The following HERC2 variants were observed in gnomAD, a reference collection of about 807,000 sequenced individuals.
HERC2 encodes HECT and RLD domain containing E3 ubiquitin protein ligase 2.
Under a neutral mutation model 537.7 loss-of-function variants are expected in HERC2, and 102 were observed. The ratio of observed to expected loss-of-function variants is 0.19; its 90% confidence interval spans 0.16 to 0.22. The LOEUF (loss-of-function observed/expected upper bound fraction) is 0.22, where lower values mean the gene tolerates loss of function less well. Ranked by LOEUF, HERC2 falls within the 10% of genes least tolerant of loss-of-function variation. HERC2 has a pLI of 1.00. For synonymous variants in HERC2, 2,224 were observed against 2,466.2 expected, an observed-to-expected ratio of 0.90 and a Z score of 2.91; for missense variants, 4,236 against 6,198.2, an observed-to-expected ratio of 0.68 and a Z score of 10.63.
At chr15:28,295,839 G>C (rs749264138) in intron 3 of HERC2, among the ~76,000 whole-genome samples, 3 of 152,084 alleles carry the variant, frequency 2.0e-5, no homozygotes, top group Non-Finnish European at 2.9e-5. Context: ...CGCTGACATA[G>C]TACTGTCTGT....
intron 69 of HERC2, among the ~76,000 whole-genome samples, chr15:28,156,955 G>A (rs560884171): frequency 1.1e-3 from 169 of 152,338 alleles, no homozygotes; most frequent in Admixed American, 2.8e-3. Flanking sequence ...TTTTTAGCAT[G>A]AAGGGCTGTT....
At chr15:28,132,286 G>C in intron 80 of HERC2, 25 bp from the exon 81 acceptor site, 1 of 1,584,606 alleles carries the variant, frequency 6.3e-7, no homozygotes. Flanking sequence ...GACTTGGGTT[G>C]GCCAAGCACA....
chr15:28,247,993 T>C (rs1342482111), intron 21 of HERC2, among the ~76,000 whole-genome samples: 1 of 152,168 alleles, frequency 6.6e-6, no homozygotes, highest in East Asian at 1.9e-4. Context: ...GGGGAACCAT[T>C]CCCTCAACAG....
At chr15:28,292,751 T>C (rs2076353321) in intron 4 of HERC2, 137 bp downstream of exon 4, 1 of 889,078 alleles carries the variant, frequency 1.1e-6, no homozygotes, top group Middle Eastern at 3.5e-4. Context: ...ATGGTATGTA[T>C]ATTTTACCAC....
At position 28,248,643 on chromosome 15, in the gene HERC2, A is replaced by G; in HGVS notation, c.3144T>C (p.Ser1048=). ...LDFEQHSRER[S]ASLDLLLRFQ... Reference sequence around the variant, plus strand: ...AACGCAGTAACAAATCCAATGAAGCAGATCTTTCACGACTGTGTTGCTCAA... The same window carrying G: ...AACGCAGTAACAAATCCAATGAAGCGGATCTTTCACGACTGTGTTGCTCAA... The change falls in exon 21 of 93, where the codon TCT becomes TCC. Residue 1048 remains serine, a synonymous_variant. Transcript: ENST00000261609. The G allele has an allele frequency of 6.2e-7, 1 of 1,613,922 alleles. No homozygotes were observed. Among genetic ancestry groups the G allele is most frequent in the South Asian group, 1.1e-5 (1 of 91,080 alleles).
At chr15:28,134,335 C>T (rs984845995) in intron 79 of HERC2, among the ~76,000 whole-genome samples, 2 of 152,222 alleles carry the variant, frequency 1.3e-5, no homozygotes, top group Non-Finnish European at 2.9e-5. Flanking sequence ...CGCAACACTG[C>T]TAGCCTCACT....
At chr15:28,161,253 A>ATT (rs139192448) in intron 69 of HERC2, among the ~76,000 whole-genome samples, 4 of 150,966 alleles carry the variant, frequency 2.6e-5, no homozygotes, top group African/African-American at 9.7e-5. Context: ...ACATTTAATG[A>ATT]TTTTTTTTTT....
intron 2 of HERC2, among the ~76,000 whole-genome samples, chr15:28,308,732 C>T (rs1051182886): frequency 2.0e-4 from 30 of 152,238 alleles, no homozygotes; most frequent in Non-Finnish European, 3.1e-4. Flanking sequence ...TCTTCCATAA[C>T]CAGTTTTAAG....
chr15:28,206,094 T>C, intron 45 of HERC2, 146 bp downstream of exon 45: 1 of 546,376 alleles, frequency 1.8e-6, no homozygotes. Flanking sequence ...TGCACAAACA[T>C]GGTTAAACCC....
At chr15:28,209,787 G>A (rs1240387708) in intron 44 of HERC2, among the ~76,000 whole-genome samples, 1 of 151,954 alleles carries the variant, frequency 6.6e-6, no homozygotes. Context: ...GGATATTCAG[G>A]GAAGACTATA....
chr15:28,130,570 C>T lies in HERC2; in HGVS notation c.12595G>A (p.Val4199Ile). The change falls in exon 82 of 93, where the codon GTA becomes ATA. Residue 4199 changes from valine to isoleucine, a missense_variant. Coordinates refer to ENST00000261609, the MANE Select transcript of HERC2 (RefSeq NM_004667.6). ...MKIDSLTGLG[V>I]VKVECGSQFS... ...TGGGATCCGCATTCCACTTTAACTACTCCAAGACCAGTAAGAGAATCAATC... is the reference window on the plus strand; with the variant it reads ...TGGGATCCGCATTCCACTTTAACTATTCCAAGACCAGTAAGAGAATCAATC... The T allele has an allele frequency of 6.2e-7, 1 of 1,613,910 alleles. No homozygotes were observed. Among genetic ancestry groups the T allele is most frequent in the Non-Finnish European group, 8.5e-7 (1 of 1,179,804 alleles).
intron 44 of HERC2, among the ~76,000 whole-genome samples, chr15:28,208,233 C>T (rs189649220): frequency 1.1e-4 from 17 of 152,312 alleles, no homozygotes; most frequent in Non-Finnish European, 1.9e-4. Flanking sequence ...AACCCACATA[C>T]TCCACATTCT....
intron 30 of HERC2, among the ~76,000 whole-genome samples, 180 bp from the exon 31 acceptor site, chr15:28,230,680 CA>C (rs1408239536): frequency 1.3e-5 from 2 of 152,016 alleles, no homozygotes; most frequent in African/African-American, 4.8e-5. Context: ...AACAAAAAGA[CA>C]AAGTGAGAGT....
intron 3 of HERC2, among the ~76,000 whole-genome samples, chr15:28,298,296 G>A (rs2076526374): frequency 6.8e-6 from 1 of 146,958 alleles, no homozygotes; most frequent in Non-Finnish European, 1.5e-5. Context: ...TGGGATTACA[G>A]GCGCCCGCCA....
In HERC2 at chr15:28,132,814, G is replaced by A. The variant is rs1480252535; in HGVS notation, c.12247C>T (p.Arg4083Cys). 3 of 1,563,098 alleles carry A rather than the reference G, an allele frequency of 1.9e-6. No homozygotes were observed. The highest frequency in any genetic ancestry group is 2.6e-6 in the Non-Finnish European group (3 of 1,154,402). The change falls in exon 80 of 93, where the codon CGT (arginine) becomes TGT (cysteine). Residue 4083 changes from arginine (R) to cysteine (C), a missense_variant. Arg to Cys is a radical substitution (Grantham distance 180). This residue lies in a region of HERC2 where 94 missense variants were observed against 137.4 expected (regional missense o/e 0.68). Transcript: ENST00000261609. ...ATTCCTCTCAGAGACTCGATGACAC[G>A]AGGGCGGTCACACGGACTGCAAAAA... Reference protein sequence around the residue: ...HGNRSPCDRPRVIESLRGIEV... With the variant: ...HGNRSPCDRPCVIESLRGIEV...
At chr15:28,114,911 G>GA in intron 89 of HERC2, 109 bp from the exon 90 acceptor site, 1 of 874,000 alleles carries the variant, frequency 1.1e-6, no homozygotes, top group Non-Finnish European at 1.8e-6. Flanking sequence ...TCAGCCTCAA[G>GA]TGCATCTCGA....
rs774628091 is a variant in HERC2 at position 28,228,280 on chromosome 15, T to G, written c.5402A>C (p.Asn1801Thr). The change falls in exon 35 of 93, where the codon AAC becomes ACC. Residue 1801 changes from asparagine (N) to threonine (T), a missense_variant. This residue lies in a region of HERC2 where 343 missense variants were observed against 417.2 expected (regional missense o/e 0.82). Coordinates refer to ENST00000261609, the MANE Select transcript of HERC2 (RefSeq NM_004667.6). ...SMLTLQHGAN[N>T]LDLLLNSGML... ...GCCGGAATTGAGCAGAAGGTCGAGG[T>G]TGTTTGCGCCGTGCTGCAGGGTGAG... 2 of 1,613,114 alleles carry G rather than the reference T, an allele frequency of 1.2e-6. No homozygotes were observed. Among genetic ancestry groups the G allele is most frequent in the African/African-American group, 2.7e-5 (2 of 74,894 alleles).
At chr15:28,152,922 C>T (rs1892604445) in intron 69 of HERC2, 92 bp from the exon 70 acceptor site, 1 of 1,298,606 alleles carries the variant, frequency 7.7e-7, no homozygotes, top group Non-Finnish European at 1.1e-6. Context: ...TCAGGAGCTC[C>T]ACAAGGACAG....
intron 2 of HERC2, among the ~76,000 whole-genome samples, chr15:28,301,834 T>G (rs1444700113): frequency 7.1e-6 from 1 of 140,206 alleles, no homozygotes; most frequent in African/African-American, 2.6e-5. Context: ...CGGATCTCGT[T>G]CTGGCACTAA....
Sources: allele counts gnomAD v4.1 joint callset (sites outside exome capture counted in the v4.1 genomes callset), GRCh38; gene constraint gnomAD v4.1.1; regional missense constraint gnomAD v4.1.1; transcripts MANE v1.5; gene names NCBI Gene and HGNC (gene_info 2026-07-23, HGNC 2026-07-21).